FOXP2: variants seen among roughly 807,000 people sequenced by gnomAD.
The protein encoded by FOXP2 is forkhead box protein P2.
Under a neutral mutation model 115.8 loss-of-function variants are expected in FOXP2, and 12 were observed. The observed-to-expected ratio is 0.10, with a 90% confidence interval of 0.07 to 0.17. The LOEUF is 0.17. FOXP2 is among the 10% of genes least tolerant of loss of function. FOXP2 has a pLI of 1.00. For synonymous variants in FOXP2, 328 were observed against 297.7 expected, an observed-to-expected ratio of 1.10 and a Z score of -1.05; for missense variants, 629 against 843.5, an observed-to-expected ratio of 0.75 and a Z score of 3.15.
intron 14 of FOXP2, among the ~76,000 whole-genome samples, chr7:114,662,429 T>C (rs1335993043): frequency 6.6e-6 from 1 of 152,042 alleles, no homozygotes; most frequent in Non-Finnish European, 1.5e-5. Context: ...CATTTCTACG[T>C]GTATCAAAAA....
At chr7:114,112,824 T>C (rs750304877) in intron 1 of FOXP2, among the ~76,000 whole-genome samples, 23 of 152,250 alleles carry the variant, frequency 1.5e-4, no homozygotes, top group South Asian at 6.2e-4. Context: ...GATTTAGCCA[T>C]TTTCATTGTT....
chr7:114,544,771 T>C (rs999827483), intron 3 of FOXP2, among the ~76,000 whole-genome samples: 3 of 152,214 alleles, frequency 2.0e-5, no homozygotes, highest in Non-Finnish European at 4.4e-5. Context: ...TCCCATAGTA[T>C]CCAGCATTTA....
chr7:114,131,667 C>T (rs1018296218), intron 1 of FOXP2, among the ~76,000 whole-genome samples: 1 of 152,076 alleles, frequency 6.6e-6, no homozygotes, highest in Non-Finnish European at 1.5e-5. Flanking sequence ...AGGACTTTTC[C>T]CTGTTTACTT....
chr7:114,216,701 G>A (rs1402967989), intron 1 of FOXP2, among the ~76,000 whole-genome samples: 1 of 151,910 alleles, frequency 6.6e-6, no homozygotes, highest in Non-Finnish European at 1.5e-5. Context: ...CTATTGTGTG[G>A]ATTTCTGGTG....
chr7:114,112,918 G>C (rs1283425842), intron 1 of FOXP2, among the ~76,000 whole-genome samples: 1 of 152,024 alleles, frequency 6.6e-6, no homozygotes, highest in Non-Finnish European at 1.5e-5. Context: ...CATTTCATCC[G>C]GTTGTCTTCA....
At chr7:114,617,637 A>G (rs1440134247) in intron 3 of FOXP2, among the ~76,000 whole-genome samples, 8 of 152,070 alleles carry the variant, frequency 5.3e-5, no homozygotes, top group African/African-American at 1.7e-4. Context: ...CTACAAAAAT[A>G]CAAAAATTAG....
At chr7:114,629,558 T>G (rs1465457009) in intron 4 of FOXP2, 1 of 1,527,456 alleles carries the variant, frequency 6.5e-7, no homozygotes, top group Admixed American at 2.0e-5. Context: ...CTCTGACCCT[T>G]TAGAATACAG....
At chr7:114,441,057 T>C (rs1584738983) in intron 2 of FOXP2, among the ~76,000 whole-genome samples, 1 of 152,312 alleles carries the variant, frequency 6.6e-6, no homozygotes, top group Middle Eastern at 3.4e-3. Context: ...TATAATTTTA[T>C]TGACTCTAAC....
At chr7:114,088,234 C>G (rs533575844) in intron 1 of FOXP2, 2 of 152,042 alleles carry the variant, frequency 1.3e-5, no homozygotes, top group East Asian at 3.9e-4. Context: ...CCCTGGTGGG[C>G]AGGCTTTGGC....
intron 1 of FOXP2, among the ~76,000 whole-genome samples, chr7:114,165,189 A>T (rs1199134501): frequency 6.6e-6 from 1 of 152,116 alleles, no homozygotes; most frequent in Admixed American, 6.6e-5. Context: ...TATTGATGAG[A>T]AACTGGATGC....
At chr7:114,445,755 A>G (rs1584744911) in intron 2 of FOXP2, among the ~76,000 whole-genome samples, 1 of 152,168 alleles carries the variant, frequency 6.6e-6, no homozygotes, top group African/African-American at 2.4e-5. Context: ...ATAATATTTA[A>G]TAGTATAATC....
chr7:114,238,981 A>C (rs1156943427), intron 1 of FOXP2, among the ~76,000 whole-genome samples: 2 of 150,248 alleles, frequency 1.3e-5, no homozygotes, highest in Non-Finnish European at 1.5e-5. Flanking sequence ...TTTCAACTTC[A>C]TATAAATTTT....
exon 1 of FOXP2, chr7:114,087,747 G>C (rs1799452078): frequency 6.6e-6 from 1 of 151,800 alleles, no homozygotes; most frequent in Non-Finnish European, 1.5e-5. Flanking sequence ...CCCGACCTCA[G>C]TGTGGACCCT....
intron 1 of FOXP2, among the ~76,000 whole-genome samples, chr7:114,103,576 G>A (rs547868176): frequency 1.3e-5 from 2 of 152,080 alleles, no homozygotes; most frequent in African/African-American, 4.8e-5. Context: ...TGAAAATGAG[G>A]ATTGGAAAGT....
rs1791839454 is a variant in FOXP2 at position 114,364,832 on chromosome 7, G to T, written c.-10-61670G>T. On this transcript the variant is annotated intron_variant, in intron 2 of 17. Transcript: ENST00000634411. ...TGTTAAATCAAGCACATAATCTTTG[G>T]CTAGTGGCATTCAGACATCTCTTAC... Among the ~76,000 whole-genome samples, 3 of 152,158 alleles carry T rather than the reference G, an allele frequency of 2.0e-5. No individual in the cohort carries two copies. In the South Asian group the frequency reaches 6.2e-4, roughly 32 times the overall value.
intron 11 of FOXP2, among the ~76,000 whole-genome samples, chr7:114,658,726 T>C (rs1243680987): frequency 6.6e-6 from 1 of 152,204 alleles, no homozygotes; most frequent in African/African-American, 2.4e-5. Context: ...AATGCCGATA[T>C]GGCACTTTGC....
intron 3 of FOXP2, among the ~76,000 whole-genome samples, chr7:114,566,273 T>C (rs1266832428): frequency 6.6e-6 from 1 of 152,194 alleles, no homozygotes; most frequent in Non-Finnish European, 1.5e-5. Flanking sequence ...ATTTTTTCAC[T>C]TTTAAAATGT....
chr7:114,256,437 AT>A (rs1281519659), intron 1 of FOXP2, among the ~76,000 whole-genome samples: 1 of 151,974 alleles, frequency 6.6e-6, no homozygotes, highest in Non-Finnish European at 1.5e-5. Context: ...TTTTATTTGC[AT>A]TTCTCTAATG....
intron 1 of FOXP2, among the ~76,000 whole-genome samples, chr7:114,092,366 G>A (rs1362807314): frequency 6.6e-6 from 1 of 151,658 alleles, no homozygotes; most frequent in African/African-American, 2.4e-5. Flanking sequence ...ATTCCCCAAA[G>A]AAAGAATGCT....
Sources: allele counts gnomAD v4.1 joint callset (sites outside exome capture counted in the v4.1 genomes callset), GRCh38; gene constraint gnomAD v4.1.1; transcripts MANE v1.5; gene names NCBI Gene and HGNC (gene_info 2026-07-23, HGNC 2026-07-21).